Variants in LRRC4C observed in about 807,000 individuals in gnomAD.
The protein encoded by LRRC4C is leucine rich repeat containing 4C.
Under a neutral mutation model 33.6 loss-of-function variants are expected in LRRC4C, and 5 were observed. The observed-to-expected ratio is 0.15, with a 90% confidence interval of 0.08 to 0.31. The LOEUF (loss-of-function observed/expected upper bound fraction) is 0.31, where lower values mean the gene tolerates loss of function less well. LRRC4C is among the 10% of genes least tolerant of loss of function. The pLI, the probability that LRRC4C is intolerant of heterozygous loss-of-function variation, is 1.00. For missense variants in LRRC4C, 560 were observed against 796.7 expected (o/e 0.70, Z 3.58); for synonymous variants, 329 against 302.0 (o/e 1.09, Z -0.93).
At chr11:40,686,169 C>A (rs1468235163) in intron 2 of LRRC4C, among the ~76,000 whole-genome samples, 2 of 151,960 alleles carry the variant, frequency 1.3e-5, no homozygotes, top group African/African-American at 4.8e-5. Flanking sequence ...GTTTCATGAC[C>A]TTTCTAAGTC....
chr11:40,796,517 A>T (rs12794797), intron 2 of LRRC4C, among the ~76,000 whole-genome samples: 1 of 152,176 alleles, frequency 6.6e-6, no homozygotes, highest in Admixed American at 6.5e-5. Flanking sequence ...CATGTACAAC[A>T]GCAAGAATCA....
intron 2 of LRRC4C, among the ~76,000 whole-genome samples, chr11:40,728,131 A>G (rs888589524): frequency 2.6e-5 from 4 of 152,176 alleles, no homozygotes; most frequent in Non-Finnish European, 5.9e-5. Flanking sequence ...GGCTATCATT[A>G]AAAAGTCAAA....
At position 41,235,652 on chromosome 11, in the gene LRRC4C, C is replaced by T. The variant is rs191507641; in HGVS notation, c.-496+223779G>A. 7.6e-4 allele frequency among the ~76,000 whole-genome samples: 116 copies of T among 152,194 alleles called. 1 individual carries two copies. Among genetic ancestry groups the T allele is most frequent in the Admixed American group, 1.7e-3 (26 of 15,264 alleles). On this transcript the variant is annotated intron_variant, in intron 1 of 6. Transcript: ENST00000528697. Reference sequence around the variant, plus strand: ...CAAATAGTTACACAGTTTTTTAAAACGTATGAATGTAGGCCATGTAAACAA... The same window carrying T: ...CAAATAGTTACACAGTTTTTTAAAATGTATGAATGTAGGCCATGTAAACAA...
chr11:40,766,353 T>TAAAAAAAAAAAAAAAA (rs60152534), intron 2 of LRRC4C, among the ~76,000 whole-genome samples: 15 of 33,914 alleles, frequency 4.4e-4, no homozygotes, highest in African/African-American at 1.4e-3. Flanking sequence ...TTCAGTCTGT[T>TAAAAAAAAAAAAAAAA]AAAAAAAAAA....
chr11:40,991,016 A>G (rs1853509233), intron 1 of LRRC4C, among the ~76,000 whole-genome samples: 1 of 151,382 alleles, frequency 6.6e-6, no homozygotes, highest in Non-Finnish European at 1.5e-5. Context: ...TATAGCAACT[A>G]TGGTTTTTCA....
At chr11:40,937,464 TAATAA>T (rs1359176278) in intron 1 of LRRC4C, among the ~76,000 whole-genome samples, 11 of 152,010 alleles carry the variant, frequency 7.2e-5, no homozygotes, top group Admixed American at 7.2e-4. Context: ...ATGTCTAATA[TAATAA>T]AAGTTGAAAT....
intron 1 of LRRC4C, among the ~76,000 whole-genome samples, chr11:41,323,029 GAAATA>G (rs1951003575): frequency 6.6e-6 from 1 of 151,982 alleles, no homozygotes; most frequent in Non-Finnish European, 1.5e-5. Context: ...AGGAAGAAGA[GAAATA>G]AAATAACAAA....
intron 1 of LRRC4C, among the ~76,000 whole-genome samples, chr11:41,329,258 A>G (rs1005505654): frequency 6.6e-6 from 1 of 152,082 alleles, no homozygotes; most frequent in Admixed American, 6.5e-5. Context: ...TTGGCATTCT[A>G]TTCATACTCC....
intron 1 of LRRC4C, among the ~76,000 whole-genome samples, chr11:41,129,634 A>C (rs561579405): frequency 6.6e-6 from 1 of 152,050 alleles, no homozygotes; most frequent in African/African-American, 2.4e-5. Flanking sequence ...TGCCATTAAT[A>C]AAATCACCTT....
intron 5 of LRRC4C, among the ~76,000 whole-genome samples, chr11:40,186,871 G>T (rs748944808): frequency 1.3e-5 from 2 of 152,172 alleles, no homozygotes; most frequent in Admixed American, 6.5e-5. Flanking sequence ...TCACCCCTGT[G>T]CACCCTACCA....
chr11:41,332,450 C>T (rs1951324949), intron 1 of LRRC4C, among the ~76,000 whole-genome samples: 3 of 152,088 alleles, frequency 2.0e-5, no homozygotes, highest in African/African-American at 7.2e-5. Context: ...CATGCCTTTG[C>T]CACTCCAACT....
At chr11:41,231,575 T>C (rs372688615) in intron 1 of LRRC4C, among the ~76,000 whole-genome samples, 6 of 126,022 alleles carry the variant, frequency 4.8e-5, no homozygotes, top group African/African-American at 1.6e-4. Flanking sequence ...ATGAGAACAC[T>C]TGGACACAGA....
intron 3 of LRRC4C, among the ~76,000 whole-genome samples, chr11:40,569,253 C>CAG (rs1335184093): frequency 6.6e-6 from 1 of 152,124 alleles, no homozygotes; most frequent in Non-Finnish European, 1.5e-5. Context: ...TATGAATGGA[C>CAG]AGCCTGAATT....
intron 3 of LRRC4C, among the ~76,000 whole-genome samples, chr11:40,357,908 G>C (rs1465251507): frequency 6.6e-6 from 1 of 152,132 alleles, no homozygotes; most frequent in Non-Finnish European, 1.5e-5. Flanking sequence ...GAAGTGGCCA[G>C]GCACAGTGGC....
intron 1 of LRRC4C, among the ~76,000 whole-genome samples, chr11:40,937,593 G>GTGTGTGTC (rs1957959506): frequency 7.0e-6 from 1 of 142,282 alleles, no homozygotes; most frequent in South Asian, 2.3e-4. Flanking sequence ...CTCTTCTTGA[G>GTGTGTGTC]TGTGTGTATA....
intron 3 of LRRC4C, among the ~76,000 whole-genome samples, chr11:40,440,667 G>C (rs1357764165): frequency 6.6e-6 from 1 of 152,046 alleles, no homozygotes; most frequent in Non-Finnish European, 1.5e-5. Flanking sequence ...ATTCATACAA[G>C]GTAATAAAGA....
intron 1 of LRRC4C, among the ~76,000 whole-genome samples, chr11:40,999,612 T>A (rs1165049156): frequency 6.6e-6 from 1 of 152,136 alleles, no homozygotes; most frequent in Non-Finnish European, 1.5e-5. Flanking sequence ...TAGTTAAGAA[T>A]AAATCAAAAG....
intron 1 of LRRC4C, among the ~76,000 whole-genome samples, chr11:41,381,393 C>T (rs745918682): frequency 1.3e-5 from 2 of 151,916 alleles, no homozygotes; most frequent in Non-Finnish European, 2.9e-5. Context: ...TTTGGGAGGC[C>T]GAGGCGGGCA....
chr11:41,053,857 T>C (rs1858428706), intron 1 of LRRC4C, among the ~76,000 whole-genome samples: 1 of 152,210 alleles, frequency 6.6e-6, no homozygotes, highest in East Asian at 1.9e-4. Context: ...CTCAAAAATA[T>C]ATTCAGTGCA....
Sources: allele counts gnomAD v4.1 joint callset (sites outside exome capture counted in the v4.1 genomes callset), GRCh38; gene constraint gnomAD v4.1.1; transcripts MANE v1.5; gene names NCBI Gene and HGNC (gene_info 2026-07-23, HGNC 2026-07-21).